RAB3GAP1: variants seen among roughly 807,000 people sequenced by gnomAD.
The protein encoded by RAB3GAP1 is RAB3 GTPase activating protein catalytic subunit 1, also known as rab3 GTPase-activating protein catalytic subunit.
Under a neutral mutation model 130.7 loss-of-function variants are expected in RAB3GAP1, and 86 were observed. The observed-to-expected ratio is 0.66, with a 90% CI of 0.55 to 0.79. The LOEUF is 0.79. Among genes scored for constraint, RAB3GAP1 ranks in the 30% least tolerant of loss-of-function variants. The pLI is 0.00. For missense variants in RAB3GAP1, 1,029 were observed against 1,169.4 expected (o/e 0.88, Z 1.75); for synonymous variants, 367 against 401.7 (o/e 0.91, Z 1.03).
At chr2:135,150,649 ACCATCCCC>A in intron 18 of RAB3GAP1, 143 bp downstream of exon 18, 1 of 1,068,982 alleles carries the variant, frequency 9.4e-7, no homozygotes. Context: ...ACACTCTGCC[ACCATCCCC>A]CCAGAGGACA....
intron 3 of RAB3GAP1, among the ~76,000 whole-genome samples, chr2:135,079,272 C>T (rs555021704): frequency 2.6e-5 from 4 of 152,302 alleles, no homozygotes; most frequent in South Asian, 2.1e-4. Context: ...AGGACTAAGC[C>T]ACCACACCTG....
At chr2:135,105,952 T>C (rs1461538670) in intron 5 of RAB3GAP1, among the ~76,000 whole-genome samples, 14 of 137,036 alleles carry the variant, frequency 1.0e-4, no homozygotes, top group South Asian at 2.4e-4. Context: ...GCCCCTCCGC[T>C]CGGCAGCCGC....
chr2:135,176,190 C>T (rs1692997144), intron 24 of RAB3GAP1: 1 of 152,158 alleles, frequency 6.6e-6, no homozygotes, highest in Non-Finnish European at 1.5e-5. Flanking sequence ...GATAGACTTA[C>T]TGTAATGCTA....
Position 135,126,236 on chromosome 2 carries a change from AATG to A in RAB3GAP1, c.890_892del (p.Asp297del), listed in dbSNP as rs773070260. On this transcript the variant is annotated inframe_deletion, in exon 10 of 24. Transcript: ENST00000264158. The stretch of plus-strand genomic sequence containing the variant: ...TCTGACCGAAGGGATCATTGTGGAT[AATG>A]ATGTTTATTCGTAAGTATGTTAAGA... 29 of 1,612,372 alleles carry A rather than the reference AATG, an allele frequency of 1.8e-5. No homozygotes were observed. The highest frequency in any genetic ancestry group is 2.4e-5 in the Non-Finnish European group (28 of 1,178,714).
At chr2:135,084,644 G>A (rs1270644555) in intron 3 of RAB3GAP1, among the ~76,000 whole-genome samples, 2 of 152,006 alleles carry the variant, frequency 1.3e-5, no homozygotes, top group African/African-American at 2.4e-5. Flanking sequence ...TATGTTACTG[G>A]TTAACATACT....
chr2:135,074,497 AC>A (rs1689567150), intron 3 of RAB3GAP1, among the ~76,000 whole-genome samples: 1 of 152,182 alleles, frequency 6.6e-6, no homozygotes, highest in African/African-American at 2.4e-5. Flanking sequence ...TTGAACTCTT[AC>A]CCGATTGGGT....
rs1378760763 is a variant in RAB3GAP1 at position 135,121,019 on chromosome 2, A to G, written c.748+101A>G. On this transcript the variant is annotated intron_variant, in intron 8 of 23. Coordinates refer to ENST00000264158, the MANE Select transcript of RAB3GAP1 (RefSeq NM_012233.3). ...TTAACAAGAGTTTCAAGTGTTTTAC[A>G]TTAGAAATATTTGTGATTCATTTTA... The G allele has an allele frequency of 2.2e-5, 19 of 882,890 alleles. No individual in the cohort carries two copies. In the East Asian group the frequency reaches 3.8e-4, roughly 18 times the overall value. The allele number at this position is 882,890 out of a possible 1,614,324, so 54.7% of individuals were successfully genotyped here. A position where few individuals can be genotyped will look rare whatever the true frequency, so the allele number is the denominator to read the frequency against.
chr2:135,164,476 T>C, intron 22 of RAB3GAP1, 118 bp from the exon 23 acceptor site: 2 of 753,188 alleles, frequency 2.7e-6, no homozygotes, highest in Non-Finnish European at 4.8e-6. Flanking sequence ...TCCAACCTTG[T>C]TGGGTTTAGC....
chr2:135,077,286 A>G (rs1689658611), intron 3 of RAB3GAP1, among the ~76,000 whole-genome samples: 1 of 152,138 alleles, frequency 6.6e-6, no homozygotes, highest in Admixed American at 6.5e-5. Flanking sequence ...AACAACAACA[A>G]CAACAACAAC....
chr2:135,055,579 G>A (rs908883444), intron 2 of RAB3GAP1, among the ~76,000 whole-genome samples: 1 of 151,664 alleles, frequency 6.6e-6, no homozygotes, highest in Admixed American at 6.6e-5. Context: ...TCAGGAGGCT[G>A]AGATGGGAGG....
chr2:135,117,590 T>C (rs201373519), intron 7 of RAB3GAP1, among the ~76,000 whole-genome samples: 1 of 148,402 alleles, frequency 6.7e-6, no homozygotes, highest in Admixed American at 6.8e-5. Context: ...CTGCTTCTTC[T>C]TCTGCTGCTT....
At chr2:135,110,292 C>T (rs1690760646) in intron 5 of RAB3GAP1, among the ~76,000 whole-genome samples, 1 of 152,062 alleles carries the variant, frequency 6.6e-6, no homozygotes, top group Admixed American at 6.6e-5. Context: ...CTCCACCATG[C>T]CCAGCTAATT....
At chr2:135,172,080 A>G (rs1482184754), downstream of RAB3GAP1, among the ~76,000 whole-genome samples, 1 of 152,144 alleles carries the variant, frequency 6.6e-6, no homozygotes, top group African/African-American at 2.4e-5. Flanking sequence ...TTTCTTGATT[A>G]AGAAGGGAAG....
At chr2:135,052,962 C>T (rs1453988688) in intron 2 of RAB3GAP1, among the ~76,000 whole-genome samples, 2 of 152,126 alleles carry the variant, frequency 1.3e-5, no homozygotes, top group Non-Finnish European at 2.9e-5. Context: ...TGTCACACTC[C>T]CACCATCTCC....
Position 135,162,769 on chromosome 2 carries a change from C to G in RAB3GAP1, c.2408C>G (p.Ser803Ter). The part of the protein sequence containing the change: ...KEEESLENIS[S>*]VKKIIKQIIS... Reference sequence around the variant, plus strand: ...ATAGAAAGTCTCGAAAACATTTCTTCAGTTAAGAAGATCATAAAGCAGATA... The same window carrying G: ...ATAGAAAGTCTCGAAAACATTTCTTGAGTTAAGAAGATCATAAAGCAGATA... The change falls in exon 21 of 24, where the codon TCA becomes TGA. Residue 803 changes from serine (S) to a stop codon, truncating the protein, a stop_gained. Transcript: ENST00000264158. LOFTEE classifies it high-confidence loss of function. 6.2e-7 allele frequency: 1 copy of G among 1,613,490 alleles called. No individual in the cohort carries two copies. The highest frequency in any genetic ancestry group is 1.3e-5 in the African/African-American group (1 of 75,020).
At chr2:135,097,438 C>T (rs989193586) in intron 5 of RAB3GAP1, among the ~76,000 whole-genome samples, 1 of 152,072 alleles carries the variant, frequency 6.6e-6, no homozygotes, top group African/African-American at 2.4e-5. Context: ...CTGGGCTGGT[C>T]TTAAACTCCT....
intron 23 of RAB3GAP1, among the ~76,000 whole-genome samples, chr2:135,166,094 C>T (rs1692640256): frequency 6.6e-6 from 1 of 151,790 alleles, no homozygotes; most frequent in South Asian, 2.1e-4. Context: ...ATCACTTGAA[C>T]CCGAGAGGCA....
downstream of RAB3GAP1, among the ~76,000 whole-genome samples, chr2:135,173,476 G>C (rs914892499): frequency 3.9e-5 from 6 of 152,170 alleles, no homozygotes; most frequent in African/African-American, 1.4e-4. Flanking sequence ...ATGCCACTGA[G>C]ATGACAAGTA....
rs1029959139 is a variant in RAB3GAP1, at chr2:135,135,251, A to C, written c.1500-14A>C. ...TAAAACTAAGCTTTCTTTTCTCCTT[A>C]CTTTATTTGATAGATTAGCAAGTGG... On this transcript the variant is annotated splice_polypyrimidine_tract_variant and intron_variant, in intron 15 of 23. Transcript: ENST00000264158. 1 of 1,600,972 alleles carries C rather than the reference A, an allele frequency of 6.2e-7. No homozygotes were observed. The highest frequency in any genetic ancestry group is 1.7e-5 in the Admixed American group (1 of 59,996).
Sources: gnomAD v4.1 joint callset for allele counts (sites outside exome capture counted in the v4.1 genomes callset) on GRCh38, gnomAD v4.1.1 for gene constraint, MANE v1.5 for transcripts, NCBI Gene and HGNC (gene_info 2026-07-23, HGNC 2026-07-21) for gene names.